The following SLX9 variants were observed in gnomAD, a reference collection of about 807,000 sequenced individuals.
SLX9 encodes the protein ribosome biogenesis protein SLX9 homolog.
Under a neutral mutation model 20.8 loss-of-function variants are expected in SLX9, and 19 were observed. That is an observed-to-expected ratio of 0.91 (90% confidence interval 0.64 to 1.34). The LOEUF (loss-of-function observed/expected upper bound fraction) is 1.34, where lower values mean the gene tolerates loss of function less well. Ranked by LOEUF, SLX9 falls within the 40% of genes most tolerant of loss-of-function variation. The pLI is 0.00. For synonymous variants in SLX9, 113 were observed against 137.1 expected, an observed-to-expected ratio of 0.82 and a Z score of 1.23; for missense variants, 299 against 322.2, an observed-to-expected ratio of 0.93 and a Z score of 0.55.
intron 2 of SLX9, among the ~76,000 whole-genome samples, chr21:44,949,995 A>T (rs1378762162): frequency 6.6e-6 from 1 of 152,132 alleles, no homozygotes; most frequent in Non-Finnish European, 1.5e-5. Context: ...CAGTCCCGGG[A>T]TAGAGACGCA....
chr21:44,943,578 A>C, intron 1 of SLX9, 106 bp from the exon 2 acceptor site: 1 of 1,447,226 alleles, frequency 6.9e-7, no homozygotes, highest in Non-Finnish European at 9.4e-7. Context: ...AAGCTGGGGA[A>C]TCCAGGTTCT....
intron 2 of SLX9, among the ~76,000 whole-genome samples, 173 bp from the exon 3 acceptor site, chr21:44,959,927 G>T (rs980263790): frequency 2.0e-5 from 3 of 152,322 alleles, no homozygotes; most frequent in Middle Eastern, 3.4e-3. Context: ...GCCGAGGCAT[G>T]CTGCAGGTGC....
intron 3 of SLX9, 144 bp from the exon 4 acceptor site, chr21:44,966,890 C>A: frequency 9.5e-7 from 1 of 1,056,490 alleles, no homozygotes. Context: ...CTGCAGGTTC[C>A]CAGGGGCGGA....
intron 3 of SLX9, among the ~76,000 whole-genome samples, chr21:44,962,762 T>C (rs1472817107): frequency 5.9e-5 from 9 of 152,150 alleles, no homozygotes; most frequent in African/African-American, 2.2e-4. Flanking sequence ...CTAGAGTGGT[T>C]GTACACTCAC....
At chr21:44,951,992 G>A (rs1418310179) in intron 2 of SLX9, among the ~76,000 whole-genome samples, 3 of 140,286 alleles carry the variant, frequency 2.1e-5, no homozygotes, top group East Asian at 3.8e-4. Flanking sequence ...AGCACGTGGC[G>A]GCGACTGGGT....
chr21:44,972,350 G>A (rs974414734), intron 4 of SLX9, among the ~76,000 whole-genome samples: 1 of 152,204 alleles, frequency 6.6e-6, no homozygotes, highest in Admixed American at 6.5e-5. Flanking sequence ...AGATTCCCAC[G>A]GTTAACTGAG....
At chr21:44,951,336 C>T (rs1412045389) in intron 2 of SLX9, among the ~76,000 whole-genome samples, 1 of 152,128 alleles carries the variant, frequency 6.6e-6, no homozygotes, top group Non-Finnish European at 1.5e-5. Context: ...GGAAAGTGGG[C>T]ATGGATGGCC....
intron 2 of SLX9, among the ~76,000 whole-genome samples, chr21:44,950,090 G>A (rs964601487): frequency 6.7e-6 from 1 of 149,940 alleles, no homozygotes; most frequent in African/African-American, 2.5e-5. Context: ...TTACAGGGTT[G>A]TCTTCAGGGA....
At chr21:44,957,734 C>T (rs990589914) in intron 2 of SLX9, among the ~76,000 whole-genome samples, 3 of 152,182 alleles carry the variant, frequency 2.0e-5, no homozygotes, top group Non-Finnish European at 2.9e-5. Context: ...TTGGGGGGGT[C>T]CTGTCTCGGT....
upstream of SLX9, chr21:44,940,019 G>A (rs369160563): frequency 1.6e-4 from 220 of 1,391,072 alleles, 1 homozygote; most frequent in African/African-American, 3.0e-3. Context: ...ACCAGCTTCC[G>A]GGAGGCGCTC....
intron 5 of SLX9, among the ~76,000 whole-genome samples, chr21:44,976,303 CCT>C (rs1243809926): frequency 5.3e-5 from 8 of 151,818 alleles, no homozygotes. Flanking sequence ...TCTCGGCTCT[CCT>C]CTGTGTGCAC....
At chr21:44,943,989 C>A in intron 2 of SLX9, 152 bp downstream of exon 2, 1 of 1,145,258 alleles carries the variant, frequency 8.7e-7, no homozygotes. Flanking sequence ...GGGGCGATTC[C>A]CCAGAGTAGA....
intron 3 of SLX9, among the ~76,000 whole-genome samples, chr21:44,963,427 A>G (rs1252209120): frequency 6.7e-6 from 1 of 148,238 alleles, no homozygotes; most frequent in Non-Finnish European, 1.5e-5. Context: ...AGTTTAATTT[A>G]TATTAGTTAT....
At chr21:44,940,225 G>C in intron 1 of SLX9, 39 bp downstream of exon 1, 5 of 1,211,628 alleles carry the variant, frequency 4.1e-6, no homozygotes, top group Non-Finnish European at 5.1e-6. Context: ...TGCCGCGTGG[G>C]TCCGAGGGCG....
intron 4 of SLX9, among the ~76,000 whole-genome samples, chr21:44,968,731 A>G (rs2085085469): frequency 7.0e-6 from 1 of 142,116 alleles, no homozygotes; most frequent in Non-Finnish European, 1.5e-5. Flanking sequence ...GGCCTTCCTC[A>G]TTCATTTGTG....
At position 44,976,764 on chromosome 21, in the gene SLX9, G is replaced by C; in HGVS notation, c.654G>C (p.Leu218=). The C allele has an allele frequency of 1.3e-6, 2 of 1,553,126 alleles. No homozygotes were observed. Among genetic ancestry groups the C allele is most frequent in the South Asian group, 1.2e-5 (1 of 84,478 alleles). The change falls in exon 6 of 6, where the codon CTG becomes CTC. Residue 218 remains leucine (L), a synonymous_variant. Transcript: ENST00000291634. ...ASPLVAIGQT[L]ARQMQLEDGG... Reference sequence around the variant, plus strand: ...CCCTGGTGGCCATCGGGCAGACGCTGGCCCGGCAGATGCAGCTGGAAGATG... The same window carrying C: ...CCCTGGTGGCCATCGGGCAGACGCTCGCCCGGCAGATGCAGCTGGAAGATG...
chr21:44,948,319 C>T (rs1443066267), intron 2 of SLX9, among the ~76,000 whole-genome samples: 80 of 126,346 alleles, frequency 6.3e-4, no homozygotes, highest in African/African-American at 2.6e-3. Flanking sequence ...GGGAGCTGGT[C>T]GTGGAGCATC....
chr21:44,950,224 T>G (rs1028305770), intron 2 of SLX9, among the ~76,000 whole-genome samples: 1 of 151,406 alleles, frequency 6.6e-6, no homozygotes, highest in Non-Finnish European at 1.5e-5. Context: ...TTTCTGCTAT[T>G]TTCCAGTATC....
chr21:44,964,941 A>T (rs1474715226), intron 3 of SLX9, among the ~76,000 whole-genome samples: 1 of 152,182 alleles, frequency 6.6e-6, no homozygotes, highest in East Asian at 1.9e-4. Context: ...CAGTTTATCT[A>T]ACCTCACGTG....
Sources: gnomAD v4.1 joint callset for allele counts (sites outside exome capture counted in the v4.1 genomes callset) on GRCh38, gnomAD v4.1.1 for gene constraint, MANE v1.5 for transcripts, NCBI Gene and HGNC (gene_info 2026-07-23, HGNC 2026-07-21) for gene names.